CCDC171: variants seen among roughly 807,000 people sequenced by gnomAD.
CCDC171 encodes coiled-coil domain containing 171.
In CCDC171, 177 loss-of-function variants were observed where a neutral mutation model predicts 168.2. That is an observed-to-expected ratio of 1.05 (90% confidence interval 0.93 to 1.19). The LOEUF is 1.19. Ranked by LOEUF, CCDC171 falls within the 50% of genes most tolerant of loss-of-function variation. CCDC171 has a pLI of 0.00. For synonymous variants in CCDC171, 687 were observed against 540.8 expected, an observed-to-expected ratio of 1.27 and a Z score of -3.75; for missense variants, 1,991 against 1,539.0, an observed-to-expected ratio of 1.29 and a Z score of -4.91.
At chr9:15,936,827 A>T (rs1827175553) in intron 25 of CCDC171, among the ~76,000 whole-genome samples, 2 of 152,006 alleles carry the variant, frequency 1.3e-5, no homozygotes, top group Non-Finnish European at 2.9e-5. Context: ...GTCAGCCGTT[A>T]TTAGCTAACC....
intron 21 of CCDC171, among the ~76,000 whole-genome samples, chr9:15,792,886 C>A (rs2058340404): frequency 6.6e-6 from 1 of 151,836 alleles, no homozygotes; most frequent in Non-Finnish European, 1.5e-5. Flanking sequence ...ATTGTAAAGA[C>A]CATCGAGGCT....
intron 24 of CCDC171, among the ~76,000 whole-genome samples, chr9:15,879,213 A>G (rs1588967615): frequency 6.6e-6 from 1 of 152,228 alleles, no homozygotes; most frequent in Non-Finnish European, 1.5e-5. Flanking sequence ...TTAGCCATAA[A>G]TACAAACTCA....
chr9:15,743,248 C>T (rs1407446295), intron 16 of CCDC171, among the ~76,000 whole-genome samples: 1 of 138,738 alleles, frequency 7.2e-6, no homozygotes, highest in Non-Finnish European at 1.5e-5. Context: ...TCACTGCAGC[C>T]TCAACCTCCT....
intron 20 of CCDC171, among the ~76,000 whole-genome samples, chr9:15,779,905 A>T (rs778821908): frequency 6.6e-6 from 1 of 152,202 alleles, no homozygotes; most frequent in Non-Finnish European, 1.5e-5. Context: ...TGCAGTTGGG[A>T]TAGTTATTAA....
Position 15,623,263 on chromosome 9 carries a change from C to A in CCDC171, c.676-4C>A, listed in dbSNP as rs1349933784. On this transcript the variant is annotated splice_region_variant and splice_polypyrimidine_tract_variant and intron_variant, in intron 6 of 25. Transcript: ENST00000380701. ...TATTGATGCAAAAATGAATTATTTTCCAGGAGCAAGATACTGCTGTGCAAA... is the reference window on the plus strand; with the variant it reads ...TATTGATGCAAAAATGAATTATTTTACAGGAGCAAGATACTGCTGTGCAAA... 3 of 1,541,898 alleles carry A rather than the reference C, an allele frequency of 1.9e-6. No homozygotes were observed. The highest frequency in any genetic ancestry group is 2.6e-6 in the Non-Finnish European group (3 of 1,139,776).
intron 25 of CCDC171, among the ~76,000 whole-genome samples, chr9:15,921,822 T>C (rs546488880): frequency 6.6e-6 from 1 of 151,806 alleles, no homozygotes; most frequent in South Asian, 2.1e-4. Context: ...TTCATATTTC[T>C]TCTTGCTATC....
At chr9:15,795,966 C>T (rs538831174) in intron 21 of CCDC171, among the ~76,000 whole-genome samples, 1 of 152,160 alleles carries the variant, frequency 6.6e-6, no homozygotes, top group Admixed American at 6.5e-5. Flanking sequence ...GTTTCTGCAT[C>T]TCAAAGAATA....
the CCDC171 span, among the ~76,000 whole-genome samples, chr9:16,103,904 C>G: frequency 6.6e-6 from 1 of 152,140 alleles, no homozygotes; most frequent in Non-Finnish European, 1.5e-5. Context: ...GAGGAAATTA[C>G]TCAATAAAAA....
chr9:15,560,140 C>A (rs568396420), intron 1 of CCDC171, among the ~76,000 whole-genome samples: 1 of 151,670 alleles, frequency 6.6e-6, no homozygotes, highest in Non-Finnish European at 1.5e-5. Context: ...GGTAACCTGA[C>A]GTTTCTGGCT....
chr9:15,789,410 C>T (rs1385471565), intron 21 of CCDC171, among the ~76,000 whole-genome samples: 1 of 152,094 alleles, frequency 6.6e-6, no homozygotes, highest in Non-Finnish European at 1.5e-5. Context: ...CAGATAGGAG[C>T]TTGAACCTAA....
chr9:15,735,493 A>G (rs1481727496), intron 16 of CCDC171, among the ~76,000 whole-genome samples: 1 of 152,204 alleles, frequency 6.6e-6, no homozygotes, highest in Non-Finnish European at 1.5e-5. Flanking sequence ...TATTGTAAAC[A>G]CTTTAGATTT....
At chr9:15,727,225 A>G (rs1297770745) in intron 14 of CCDC171, among the ~76,000 whole-genome samples, 3 of 152,150 alleles carry the variant, frequency 2.0e-5, no homozygotes, top group African/African-American at 4.8e-5. Flanking sequence ...ATATGAACTT[A>G]TAAGTGGGGA....
chr9:15,784,436 A>T, intron 20 of CCDC171, 73 bp from the exon 21 acceptor site: 1 of 907,908 alleles, frequency 1.1e-6, no homozygotes. Context: ...ATATTCCTTT[A>T]GTTTTGAAGG....
intron 2 of CCDC171, among the ~76,000 whole-genome samples, chr9:15,569,673 G>C (rs113221833): frequency 8.4e-4 from 127 of 151,674 alleles, no homozygotes; most frequent in African/African-American, 2.9e-3. Context: ...AAATTAGCCG[G>C]GCGTGGTGGC....
At chr9:15,872,871 A>G (rs1226886559) in intron 23 of CCDC171, among the ~76,000 whole-genome samples, 1 of 152,084 alleles carries the variant, frequency 6.6e-6, no homozygotes, top group Non-Finnish European at 1.5e-5. Flanking sequence ...GAAGGTATTC[A>G]TACATGTAAA....
chr9:15,913,298 C>T (rs200085426), intron 24 of CCDC171, among the ~76,000 whole-genome samples: 2 of 152,056 alleles, frequency 1.3e-5, no homozygotes, highest in African/African-American at 4.8e-5. Flanking sequence ...TCATCTAGAT[C>T]TTCTAGTTTA....
chr9:15,852,958 A>G (rs1464163085), intron 23 of CCDC171, among the ~76,000 whole-genome samples: 1 of 151,626 alleles, frequency 6.6e-6, no homozygotes, highest in African/African-American at 2.4e-5. Flanking sequence ...GTCTCTCTTC[A>G]TATCAGTACC....
intron 25 of CCDC171, among the ~76,000 whole-genome samples, chr9:15,924,609 G>T (rs1825701542): frequency 6.6e-6 from 1 of 151,368 alleles, no homozygotes; most frequent in Non-Finnish European, 1.5e-5. Flanking sequence ...CCTCTTCTTT[G>T]ATCACCATTA....
intron 24 of CCDC171, among the ~76,000 whole-genome samples, chr9:15,894,373 G>A (rs559536772): frequency 6.6e-6 from 1 of 151,934 alleles, no homozygotes; most frequent in Non-Finnish European, 1.5e-5. Context: ...AACCACCATG[G>A]CACACGTTTA....
Sources: gnomAD v4.1 joint callset for allele counts (sites outside exome capture counted in the v4.1 genomes callset) on GRCh38, gnomAD v4.1.1 for gene constraint, MANE v1.5 for transcripts, NCBI Gene and HGNC (gene_info 2026-07-23, HGNC 2026-07-21) for gene names.